Variants in PRR16 observed in about 807,000 individuals in gnomAD.
PRR16 encodes the protein protein Largen.
In PRR16, 6 loss-of-function variants were observed where a neutral mutation model predicts 18.2. The observed-to-expected ratio is 0.33, with a 90% CI of 0.18 to 0.65. PRR16 has a LOEUF of 0.65. PRR16 is among the 30% of genes least tolerant of loss of function. PRR16 has a pLI of 0.74. For missense variants in PRR16, 412 were observed against 376.6 expected, an observed-to-expected ratio of 1.09 and a Z score of -0.78; for synonymous variants, 151 against 147.8, an observed-to-expected ratio of 1.02 and a Z score of -0.16.
chr5:120,711,789 CCTT>C, the PRR16 span, among the ~76,000 whole-genome samples: 1 of 152,098 alleles, frequency 6.6e-6, no homozygotes, highest in African/African-American at 2.4e-5. Context: ...CCAAGAATGA[CCTT>C]CTTTTCCTCC....
chr5:120,620,555 C>G (rs17146849), intron 1 of PRR16, among the ~76,000 whole-genome samples: 5,430 of 152,114 alleles, frequency 0.036, 345 homozygotes, highest in African/African-American at 0.12. Flanking sequence ...GTGAAAATAC[C>G]AGAGAGTACT....
chr5:120,668,742 A>C (rs539075833), intron 1 of PRR16, among the ~76,000 whole-genome samples: 1 of 152,054 alleles, frequency 6.6e-6, no homozygotes, highest in Admixed American at 6.6e-5. Flanking sequence ...ATGAAATTCT[A>C]GGTTGAAAAT....
At chr5:120,744,478 TG>T in the PRR16 span, among the ~76,000 whole-genome samples, 1 of 152,212 alleles carries the variant, frequency 6.6e-6, no homozygotes, top group African/African-American at 2.4e-5. Flanking sequence ...ATGCTCTGTC[TG>T]CATATCTTGC....
At chr5:120,688,905 C>G (rs1757178169), downstream of PRR16, among the ~76,000 whole-genome samples, 1 of 152,134 alleles carries the variant, frequency 6.6e-6, no homozygotes, top group Non-Finnish European at 1.5e-5. Flanking sequence ...CTCAGTGTTC[C>G]AAATCCGTTT....
At chr5:120,487,873 G>T (rs546414284) in intron 1 of PRR16, among the ~76,000 whole-genome samples, 1 of 152,216 alleles carries the variant, frequency 6.6e-6, no homozygotes, top group Non-Finnish European at 1.5e-5. Flanking sequence ...GTTGAATTTT[G>T]TCAAAGGCCT....
intron 1 of PRR16, among the ~76,000 whole-genome samples, chr5:120,625,472 G>A (rs1362479023): frequency 1.3e-5 from 2 of 152,002 alleles, no homozygotes; most frequent in African/African-American, 4.8e-5. Flanking sequence ...TGAGTAGCTG[G>A]GACTATCGAT....
At chr5:120,577,318 ATGT>A (rs1266075445) in intron 1 of PRR16, among the ~76,000 whole-genome samples, 1 of 151,976 alleles carries the variant, frequency 6.6e-6, no homozygotes. Context: ...GACTTGGCAA[ATGT>A]TGTAAATTCA....
chr5:120,745,518 G>C, the PRR16 span, among the ~76,000 whole-genome samples: 11 of 151,984 alleles, frequency 7.2e-5, no homozygotes, highest in South Asian at 2.3e-3. Context: ...TAGGAATTGC[G>C]TGAAGCATTC....
the PRR16 span, among the ~76,000 whole-genome samples, chr5:120,784,734 A>C: frequency 6.6e-6 from 1 of 152,180 alleles, no homozygotes; most frequent in Non-Finnish European, 1.5e-5. Context: ...CCCAGGTCTC[A>C]AGGAAACTTT....
the PRR16 span, among the ~76,000 whole-genome samples, chr5:120,785,572 G>GTTTTTTTTTTTTTTTTTTTTTTTTTTTTT: frequency 1.8e-4 from 22 of 119,906 alleles, 4 homozygotes; most frequent in South Asian, 2.6e-4. Context: ...TTTTGTTGTT[G>GTTTTTTTTTTTTTTTTTTTTTTTTTTTTT]TTGTTTTTTT....
At chr5:120,629,569 A>T (rs1049689510) in intron 1 of PRR16, among the ~76,000 whole-genome samples, 11 of 152,126 alleles carry the variant, frequency 7.2e-5, no homozygotes, top group Admixed American at 2.0e-4. Context: ...TTTATGTTTC[A>T]TAAATTAACC....
chr5:120,580,685 G>T (rs1301721650), intron 1 of PRR16, among the ~76,000 whole-genome samples: 6 of 152,060 alleles, frequency 3.9e-5, no homozygotes, highest in Non-Finnish European at 7.4e-5. Context: ...TTGATCTCCT[G>T]ACCTCATGAT....
At chr5:120,531,625 C>T (rs1461009510) in intron 1 of PRR16, 2 of 151,992 alleles carry the variant, frequency 1.3e-5, no homozygotes, top group Non-Finnish European at 2.9e-5. Flanking sequence ...TTCCACCTTC[C>T]TGTTTGTATC....
intron 1 of PRR16, among the ~76,000 whole-genome samples, chr5:120,576,197 A>G (rs1330967465): frequency 6.6e-6 from 1 of 152,204 alleles, no homozygotes; most frequent in Non-Finnish European, 1.5e-5. Context: ...GAAAGAAAAC[A>G]ATCATCGGAG....
chr5:120,658,551 T>A (rs1756064979), intron 1 of PRR16, among the ~76,000 whole-genome samples: 1 of 151,994 alleles, frequency 6.6e-6, no homozygotes, highest in Non-Finnish European at 1.5e-5. Context: ...TCTAAAAATT[T>A]ACTTGCTAAT....
At chr5:120,755,809 CAA>C in the PRR16 span, among the ~76,000 whole-genome samples, 1 of 151,800 alleles carries the variant, frequency 6.6e-6, no homozygotes, top group African/African-American at 2.4e-5. Context: ...TTGTTTTAAA[CAA>C]AGAATCGGAG....
chr5:120,697,065 T>A, the PRR16 span, among the ~76,000 whole-genome samples: 3 of 152,214 alleles, frequency 2.0e-5, no homozygotes, highest in South Asian at 6.2e-4. Context: ...TTGACTTTTT[T>A]AAAACAAGTT....
At chr5:120,790,163 G>A in the PRR16 span, 1 of 152,104 alleles carries the variant, frequency 6.6e-6, no homozygotes, top group Non-Finnish European at 1.5e-5. Flanking sequence ...TGACAGCCAT[G>A]AGCAGAGCCT....
At chr5:120,611,485 G>A (rs912201993) in intron 1 of PRR16, among the ~76,000 whole-genome samples, 1 of 152,146 alleles carries the variant, frequency 6.6e-6, no homozygotes, top group Admixed American at 6.5e-5. Flanking sequence ...CCCATGCTGT[G>A]TGCAGCCTAG....
Sources: allele counts gnomAD v4.1 joint callset (sites outside exome capture counted in the v4.1 genomes callset), GRCh38; gene constraint gnomAD v4.1.1; transcripts MANE v1.5; gene names NCBI Gene and HGNC (gene_info 2026-07-23, HGNC 2026-07-21).